Variants in VAX2 observed in about 807,000 individuals in gnomAD.
VAX2 encodes ventral anterior homeobox 2.
A neutral mutation model predicts 12.5 loss-of-function variants in VAX2; 8 were observed. The observed-to-expected ratio is 0.64, with a 90% CI of 0.37 to 1.15. The LOEUF is 1.15. VAX2 is among the 50% of genes most tolerant of loss of function. VAX2 has a pLI of 0.01. For missense variants in VAX2, 476 were observed against 412.9 expected (o/e 1.15, Z -1.32); for synonymous variants, 183 against 187.6 (o/e 0.98, Z 0.20).
intron 1 of VAX2, among the ~76,000 whole-genome samples, chr2:70,907,347 C>CGGCTT (rs1252423455): frequency 2.4e-4 from 36 of 151,852 alleles, no homozygotes; most frequent in African/African-American, 8.0e-4. Context: ...GTGAGTCTCC[C>CGGCTT]GGCTTTCGGC....
intron 1 of VAX2, among the ~76,000 whole-genome samples, chr2:70,915,356 A>G (rs1253205265): frequency 6.6e-6 from 1 of 151,926 alleles, no homozygotes; most frequent in Non-Finnish European, 1.5e-5. Context: ...CAGCCTCCCA[A>G]GTAGCTGGAT....
intron 1 of VAX2, among the ~76,000 whole-genome samples, chr2:70,903,642 A>G (rs1558652016): frequency 6.6e-6 from 1 of 152,216 alleles, no homozygotes; most frequent in East Asian, 1.9e-4. Flanking sequence ...GGTGATGTCT[A>G]TAAAATTGCA....
intron 1 of VAX2, among the ~76,000 whole-genome samples, chr2:70,908,230 G>A (rs374594704): frequency 1.8e-4 from 28 of 152,280 alleles, no homozygotes; most frequent in African/African-American, 6.5e-4. Context: ...ATCAGGAGAT[G>A]GGAGGTCTCA....
At chr2:70,927,776 C>A (rs192197001) in intron 2 of VAX2, among the ~76,000 whole-genome samples, 2 of 152,006 alleles carry the variant, frequency 1.3e-5, no homozygotes, top group Non-Finnish European at 2.9e-5. Context: ...GGGGCAGTGC[C>A]ATGGGTCACA....
chr2:70,900,618 C>A lies in VAX2; in HGVS notation c.-4C>A. 7.9e-7 allele frequency: 1 copy of A among 1,263,412 alleles called. No individual in the cohort carries two copies. The highest frequency in any genetic ancestry group is 2.9e-5 in the South Asian group (1 of 34,754). 78.3% of individuals were successfully genotyped at this position (1,263,412 alleles called of 1,614,324 possible). A position where few individuals can be genotyped will look rare whatever the true frequency, so the allele number is the denominator to read the frequency against. On this transcript the variant is annotated 5_prime_UTR_variant, in exon 1 of 3. Coordinates refer to ENST00000234392, the MANE Select transcript of VAX2 (RefSeq NM_012476.3). ...CCGTAGAGGGGTTGGCAGTGGCGGT[C>A]AGCATGGGCGATGGGGGCGCCGAGC...
At chr2:70,908,510 C>A (rs1412974156) in intron 1 of VAX2, among the ~76,000 whole-genome samples, 2 of 152,084 alleles carry the variant, frequency 1.3e-5, no homozygotes, top group Admixed American at 6.6e-5. Context: ...GCATAATATT[C>A]CATTTAAGTG....
At chr2:70,902,388 T>G (rs1301168584) in intron 1 of VAX2, among the ~76,000 whole-genome samples, 2 of 152,230 alleles carry the variant, frequency 1.3e-5, no homozygotes, top group Non-Finnish European at 2.9e-5. Context: ...GTGGACCTGT[T>G]GGGCACCAGG....
At chr2:70,909,827 T>C (rs937239662) in intron 1 of VAX2, among the ~76,000 whole-genome samples, 1 of 152,214 alleles carries the variant, frequency 6.6e-6, no homozygotes, top group Non-Finnish European at 1.5e-5. Flanking sequence ...AGGTTGGTTG[T>C]ACTTTTTCAT....
intron 1 of VAX2, among the ~76,000 whole-genome samples, chr2:70,901,676 CTCCCCAGG>C (rs1383627572): frequency 2.0e-5 from 3 of 152,270 alleles, no homozygotes; most frequent in African/African-American, 7.2e-5. Context: ...GAGGCCGAGG[CTCCCCAGG>C]TCCCCAGCGC....
intron 1 of VAX2, among the ~76,000 whole-genome samples, chr2:70,913,676 AAAATAAATAAATAAATAAATAAATAAAT>A (rs70956996): frequency 3.4e-5 from 5 of 148,214 alleles, no homozygotes; most frequent in African/African-American, 1.2e-4. Flanking sequence ...ACTCCGACTC[AAAATAAATAAATAAATAAATAAATAAAT>A]AAATAAATAA....
At chr2:70,902,717 C>G (rs1291352840) in intron 1 of VAX2, among the ~76,000 whole-genome samples, 1 of 152,166 alleles carries the variant, frequency 6.6e-6, no homozygotes, top group African/African-American at 2.4e-5. Context: ...CAGGGGTAAA[C>G]TCATAGGAAG....
intron 1 of VAX2, among the ~76,000 whole-genome samples, chr2:70,915,271 C>G (rs539207081): frequency 6.6e-6 from 1 of 151,380 alleles, no homozygotes; most frequent in African/African-American, 2.4e-5. Context: ...TTTTTGAGAC[C>G]GAGTCTTGCT....
chr2:70,911,973 T>C (rs981588022), intron 1 of VAX2, among the ~76,000 whole-genome samples: 1 of 152,248 alleles, frequency 6.6e-6, no homozygotes, highest in African/African-American at 2.4e-5. Context: ...TTTATTTACA[T>C]TTAAATTTGT....
chr2:70,900,986 T>A (rs1165381940), intron 1 of VAX2, 118 bp downstream of exon 1: 11 of 1,038,182 alleles, frequency 1.1e-5, no homozygotes, highest in Non-Finnish European at 2.5e-6. Flanking sequence ...CGTCATCCAG[T>A]CATTCATTCA....
chr2:70,923,441 C>T (rs1182115759), intron 2 of VAX2, among the ~76,000 whole-genome samples: 1 of 152,226 alleles, frequency 6.6e-6, no homozygotes, highest in Non-Finnish European at 1.5e-5. Flanking sequence ...TCCAGCATCA[C>T]TGAGTATATT....
rs1558652966 is a variant in VAX2, at chr2:70,905,489, A to C, written c.247+4621A>C. Among the ~76,000 whole-genome samples, 3 of 150,196 alleles carry C rather than the reference A, an allele frequency of 2.0e-5. No homozygotes were observed. The South Asian group carries it at 6.4e-4, about 32-fold the overall frequency. ...CCCCTTCCATAACCCTTACCCCCACAAACACACACTGAAGCAGACCAGCAA... is the reference window on the plus strand; with the variant it reads ...CCCCTTCCATAACCCTTACCCCCACCAACACACACTGAAGCAGACCAGCAA... On this transcript the variant is annotated intron_variant, in intron 1 of 2. Coordinates refer to ENST00000234392, the MANE Select transcript of VAX2 (RefSeq NM_012476.3).
chr2:70,923,368 G>A (rs1308681094), intron 2 of VAX2, among the ~76,000 whole-genome samples: 1 of 152,208 alleles, frequency 6.6e-6, no homozygotes, highest in African/African-American at 2.4e-5. Flanking sequence ...ATACGTGTGA[G>A]ATTTTTCTTC....
At chr2:70,902,893 T>A (rs1346936254) in intron 1 of VAX2, among the ~76,000 whole-genome samples, 1 of 152,198 alleles carries the variant, frequency 6.6e-6, no homozygotes, top group Non-Finnish European at 1.5e-5. Flanking sequence ...TGCCAATGCA[T>A]TTGTAAAATA....
intron 2 of VAX2, among the ~76,000 whole-genome samples, chr2:70,927,365 C>A (rs782227449): frequency 3.3e-5 from 5 of 151,750 alleles, no homozygotes; most frequent in South Asian, 2.1e-4. Context: ...AATATCCCCC[C>A]GGGATGCCCA....
Sources: allele counts gnomAD v4.1 joint callset (sites outside exome capture counted in the v4.1 genomes callset), GRCh38; gene constraint gnomAD v4.1.1; transcripts MANE v1.5; gene names NCBI Gene and HGNC (gene_info 2026-07-23, HGNC 2026-07-21).